Variants in TMEM132C observed in about 807,000 individuals in gnomAD.
TMEM132C encodes the protein transmembrane protein 132C.
A neutral mutation model predicts 61.4 loss-of-function variants in TMEM132C; 29 were observed. The ratio of observed to expected loss-of-function variants is 0.47; its 90% CI spans 0.35 to 0.64. The LOEUF (loss-of-function observed/expected upper bound fraction) is 0.64, where lower values mean the gene tolerates loss of function less well. TMEM132C is among the 30% of genes least tolerant of loss of function. The probability of loss-of-function intolerance (pLI) is 0.00; values close to 1 mark genes in which losing one functional copy is unlikely to be tolerated. For missense variants in TMEM132C, 1,408 were observed against 1,476.9 expected (o/e 0.95, Z 0.76); for synonymous variants, 656 against 633.1 (o/e 1.04, Z -0.54).
intron 1 of TMEM132C, among the ~76,000 whole-genome samples, chr12:128,308,154 T>A (rs1375423522): frequency 3.3e-5 from 5 of 152,240 alleles, no homozygotes; most frequent in African/African-American, 4.8e-5. Context: ...ATAAAGCCCA[T>A]GCTGATGGAA....
At chr12:128,299,441 A>G (rs1038020865) in intron 1 of TMEM132C, among the ~76,000 whole-genome samples, 2 of 152,176 alleles carry the variant, frequency 1.3e-5, no homozygotes, top group Non-Finnish European at 2.9e-5. Context: ...CACGGAATTC[A>G]CCAGCTATTG....
intron 1 of TMEM132C, among the ~76,000 whole-genome samples, chr12:128,384,947 C>T (rs967031573): frequency 6.6e-6 from 1 of 151,636 alleles, no homozygotes; most frequent in Non-Finnish European, 1.5e-5. Flanking sequence ...GCCTTCACGG[C>T]CACCTGTGAT....
intron 1 of TMEM132C, among the ~76,000 whole-genome samples, chr12:128,318,220 G>A (rs1872216578): frequency 6.6e-6 from 1 of 152,090 alleles, no homozygotes; most frequent in Non-Finnish European, 1.5e-5. Flanking sequence ...TAGAGGACCA[G>A]TTTTGAGTTT....
rs74888358 is a variant in TMEM132C, at chr12:128,278,170, A to G, written c.85+10683A>G. 9.8e-3 allele frequency among the ~76,000 whole-genome samples: 1,494 copies of G among 152,246 alleles called. 22 individuals carry two copies. The highest frequency in any genetic ancestry group is 0.034 in the African/African-American group (1,422 of 41,550). On this transcript the variant is annotated intron_variant, in intron 1 of 8. Transcript: ENST00000435159. This position sits in a 1 kb window ranked among gnomAD's most constrained non-coding sequence, Gnocchi z 4.2. The stretch of plus-strand genomic sequence containing the variant: ...TCTGGCATCCTGATTTAGGAGAACA[A>G]AAATCTCAGGGGAAGTCTATGTTTC...
chr12:128,513,464 T>A (rs1872628035), intron 2 of TMEM132C, among the ~76,000 whole-genome samples: 1 of 152,296 alleles, frequency 6.6e-6, no homozygotes, highest in South Asian at 2.1e-4. Flanking sequence ...AAAGGAATAA[T>A]CCACAGTGGA....
intron 2 of TMEM132C, among the ~76,000 whole-genome samples, chr12:128,520,185 C>G (rs952822223): frequency 1.3e-5 from 2 of 152,210 alleles, no homozygotes; most frequent in African/African-American, 4.8e-5. Flanking sequence ...CAGATGTCAT[C>G]TCAGAAGGCA....
intron 1 of TMEM132C, among the ~76,000 whole-genome samples, chr12:128,362,063 T>TA (rs1873723245): frequency 6.6e-6 from 1 of 152,030 alleles, no homozygotes; most frequent in South Asian, 2.1e-4. Flanking sequence ...TCTTTTTAGA[T>TA]ATCATCAGCC....
chr12:128,539,666 G>T (rs938804306), intron 2 of TMEM132C, among the ~76,000 whole-genome samples: 1 of 152,238 alleles, frequency 6.6e-6, no homozygotes, highest in African/African-American at 2.4e-5. Context: ...TCATAGGGTG[G>T]ATACAGAATT....
At chr12:128,317,331 G>A (rs781165598) in intron 1 of TMEM132C, among the ~76,000 whole-genome samples, 3 of 152,138 alleles carry the variant, frequency 2.0e-5, no homozygotes, top group Admixed American at 6.5e-5. Context: ...CTGATAACAC[G>A]TTTATCTGTT....
chr12:128,286,103 C>T (rs2135903869), intron 1 of TMEM132C, among the ~76,000 whole-genome samples: 1 of 151,988 alleles, frequency 6.6e-6, no homozygotes, highest in South Asian at 2.1e-4. Context: ...ATCCCTCTCT[C>T]CCTTTCTCTC....
intron 5 of TMEM132C, among the ~76,000 whole-genome samples, chr12:128,683,744 A>G (rs898963824): frequency 6.6e-5 from 10 of 152,148 alleles, no homozygotes; most frequent in African/African-American, 2.4e-4. Context: ...AGGTGGGTGG[A>G]TCACCTGAGG....
chr12:128,642,122 T>G (rs114765350), intron 4 of TMEM132C, among the ~76,000 whole-genome samples: 2,668 of 151,376 alleles, frequency 0.018, 81 homozygotes, highest in African/African-American at 0.062. Flanking sequence ...TTTTTTGTTT[T>G]TTTTGTTTTG....
At chr12:128,481,562 T>C (rs1871318073) in intron 2 of TMEM132C, among the ~76,000 whole-genome samples, 1 of 152,238 alleles carries the variant, frequency 6.6e-6, no homozygotes, top group Non-Finnish European at 1.5e-5. Flanking sequence ...ATGAGAGAGC[T>C]GAGGCCTAGC....
At chr12:128,330,529 G>A (rs1367483247) in intron 1 of TMEM132C, among the ~76,000 whole-genome samples, 1 of 152,006 alleles carries the variant, frequency 6.6e-6, no homozygotes, top group Non-Finnish European at 1.5e-5. Flanking sequence ...CTCCAGCCTG[G>A]GCAACAGAGC....
intron 1 of TMEM132C, among the ~76,000 whole-genome samples, chr12:128,304,235 G>A (rs1237506455): frequency 1.2e-5 from 1 of 84,884 alleles, no homozygotes; most frequent in Non-Finnish European, 2.9e-5. Context: ...CCTGAGAATC[G>A]AGCTTCCCTA....
In TMEM132C at chr12:128,567,050, G is replaced by C. The variant is rs185974483; in HGVS notation, c.1121+22947G>C. ...AGAAACTTGGGAACAAAATACCAAA[G>C]GGATGCATCATTTTGAAGAGCAAAT... On this transcript the variant is annotated intron_variant, in intron 3 of 8. Transcript: ENST00000435159. 2.4e-4 allele frequency among the ~76,000 whole-genome samples: 37 copies of C among 152,244 alleles called. No individual in the cohort carries two copies. In the East Asian group the frequency reaches 6.7e-3, roughly 28 times the overall value.
intron 4 of TMEM132C, among the ~76,000 whole-genome samples, chr12:128,620,635 G>GC (rs1218648439): frequency 6.6e-6 from 1 of 152,182 alleles, no homozygotes; most frequent in African/African-American, 2.4e-5. Context: ...GAAGTTCTTT[G>GC]CCCCCGGGAC....
intron 1 of TMEM132C, among the ~76,000 whole-genome samples, chr12:128,367,721 A>C (rs1200122522): frequency 6.6e-6 from 1 of 152,058 alleles, no homozygotes; most frequent in African/African-American, 2.4e-5. Flanking sequence ...CCAGATTTTG[A>C]AAGCATAGTA....
intron 1 of TMEM132C, among the ~76,000 whole-genome samples, chr12:128,276,680 C>G (rs894019826): frequency 6.6e-6 from 1 of 152,106 alleles, no homozygotes; most frequent in African/African-American, 2.4e-5. Context: ...CCCTCTGGCC[C>G]CATAATTATG....
Sources: allele counts gnomAD v4.1 joint callset (sites outside exome capture counted in the v4.1 genomes callset), GRCh38; gene constraint gnomAD v4.1.1; non-coding constraint Gnocchi (gnomAD v3.1); transcripts MANE v1.5; gene names NCBI Gene and HGNC (gene_info 2026-07-23, HGNC 2026-07-21).